NFIA: variants seen among roughly 807,000 people sequenced by gnomAD.
The protein encoded by NFIA is nuclear factor I A.
In NFIA, 8 loss-of-function variants were observed where a neutral mutation model predicts 62.8. The ratio of observed to expected loss-of-function variants is 0.13; its 90% CI spans 0.07 to 0.23. NFIA has a LOEUF of 0.23. NFIA is among the 10% of genes least tolerant of loss of function. The pLI is 1.00. For missense variants in NFIA, 410 were observed against 642.1 expected (o/e 0.64, Z 3.91); for synonymous variants, 235 against 238.1 (o/e 0.99, Z 0.12).
intron 3 of NFIA, among the ~76,000 whole-genome samples, chr1:61,306,565 C>T (rs1161146920): frequency 6.6e-6 from 1 of 152,158 alleles, no homozygotes; most frequent in African/African-American, 2.4e-5. Flanking sequence ...TCTCAAATAG[C>T]AGCTGTAGGA....
chr1:61,258,959 G>A (rs184173222), intron 2 of NFIA, among the ~76,000 whole-genome samples: 19 of 152,190 alleles, frequency 1.2e-4, no homozygotes, highest in East Asian at 1.9e-4. Context: ...GAGCTCAAGC[G>A]ATCCACCTGC....
chr1:61,406,542 T>TTGGGGGG lies in NFIA; in HGVS notation c.1255-20_1255-19insTGGGGGG. 6.7e-5 allele frequency: 84 copies of TTGGGGGG among 1,253,672 alleles called. No homozygotes were observed. Among genetic ancestry groups the TTGGGGGG allele is most frequent in the Non-Finnish European group, 8.1e-5 (75 of 931,624 alleles). 77.7% of individuals were successfully genotyped at this position (1,253,672 alleles called of 1,614,324 possible). On this transcript the variant is annotated intron_variant, in intron 8 of 10. Transcript: ENST00000403491. The stretch of plus-strand genomic sequence containing the variant: ...TTCTTTTTCTTGTACGTGTGTTTTC[T>TTGGGGGG]GCCCCCCCCCCCCCCACAGCCCAAT...
At chr1:61,191,933 T>C (rs1651654914) in intron 2 of NFIA, among the ~76,000 whole-genome samples, 1 of 150,676 alleles carries the variant, frequency 6.6e-6, no homozygotes, top group South Asian at 2.1e-4. Context: ...TTACTAAAAA[T>C]AACAAGTTTT....
intron 6 of NFIA, among the ~76,000 whole-genome samples, chr1:61,363,571 T>C (rs141055836): frequency 0.013 from 1,950 of 149,046 alleles, 51 homozygotes; most frequent in African/African-American, 0.046. Flanking sequence ...GCCATTGCAC[T>C]CCAGCCTGGG....
chr1:61,173,930 A>G (rs1650151547), intron 2 of NFIA, among the ~76,000 whole-genome samples: 1 of 152,178 alleles, frequency 6.6e-6, no homozygotes, highest in Non-Finnish European at 1.5e-5. Context: ...GGTCCTTGGC[A>G]TAGTGACTGG....
At chr1:61,116,881 T>G (rs1646801670) in intron 2 of NFIA, among the ~76,000 whole-genome samples, 1 of 152,232 alleles carries the variant, frequency 6.6e-6, no homozygotes, top group Non-Finnish European at 1.5e-5. Context: ...AATTAAATAA[T>G]GACCTTGTGT....
intron 10 of NFIA, among the ~76,000 whole-genome samples, chr1:61,453,011 A>G (rs77269850): frequency 0.062 from 9,463 of 152,228 alleles, 415 homozygotes; most frequent in Non-Finnish European, 0.087. Context: ...CCCAAAAGAA[A>G]AGTGTGCAGA....
At chr1:61,330,245 A>G (rs746753452) in intron 3 of NFIA, among the ~76,000 whole-genome samples, 28 of 152,148 alleles carry the variant, frequency 1.8e-4, no homozygotes, top group Non-Finnish European at 2.5e-4. Flanking sequence ...AATGATAAAG[A>G]GTTGAGAGTC....
At chr1:61,428,382 ATTTT>A (rs34309622) in intron 10 of NFIA, among the ~76,000 whole-genome samples, 3 of 135,940 alleles carry the variant, frequency 2.2e-5, no homozygotes, top group South Asian at 2.3e-4. Flanking sequence ...CTGGAACTGA[ATTTT>A]TTTTTTTTTT....
chr1:61,404,618 G>T (rs1440332487), intron 8 of NFIA, among the ~76,000 whole-genome samples: 1 of 152,156 alleles, frequency 6.6e-6, no homozygotes, highest in African/African-American at 2.4e-5. Flanking sequence ...AAAATAGAAA[G>T]ACCAAGTAGT....
intron 2 of NFIA, among the ~76,000 whole-genome samples, chr1:61,247,158 T>C (rs780966463): frequency 5.0e-4 from 76 of 152,168 alleles, no homozygotes; most frequent in Non-Finnish European, 9.0e-4. Flanking sequence ...ATGCATCTTC[T>C]CTTAAAAGGA....
At chr1:61,192,815 G>A (rs1651736219) in intron 2 of NFIA, among the ~76,000 whole-genome samples, 1 of 152,176 alleles carries the variant, frequency 6.6e-6, no homozygotes, top group Admixed American at 6.5e-5. Flanking sequence ...AGGTGGTTTG[G>A]GAAGTATTTC....
intron 4 of NFIA, among the ~76,000 whole-genome samples, chr1:61,336,818 C>T (rs1199104756): frequency 1.3e-5 from 2 of 152,180 alleles, no homozygotes; most frequent in Admixed American, 1.3e-4. Flanking sequence ...CAGCCCCATC[C>T]AGTCCCCTGC....
chr1:61,229,912 T>C (rs1344107728), intron 2 of NFIA, among the ~76,000 whole-genome samples: 1 of 152,160 alleles, frequency 6.6e-6, no homozygotes, highest in Non-Finnish European at 1.5e-5. Context: ...AATTGTGAAA[T>C]ATTGGAATCA....
intron 10 of NFIA, among the ~76,000 whole-genome samples, chr1:61,444,268 A>G (rs1667710230): frequency 6.6e-6 from 1 of 152,240 alleles, no homozygotes; most frequent in Non-Finnish European, 1.5e-5. Flanking sequence ...AGGGAAAATT[A>G]AGAAGCAAAG....
At chr1:61,277,490 A>G (rs1231532552) in intron 2 of NFIA, 30 bp from the exon 3 acceptor site, 8 of 1,612,334 alleles carry the variant, frequency 5.0e-6, no homozygotes, top group Non-Finnish European at 6.8e-6. Context: ...CAGACCCTGT[A>G]ATTTTTGGCT....
intron 4 of NFIA, among the ~76,000 whole-genome samples, chr1:61,344,920 A>G (rs549043585): frequency 1.3e-5 from 2 of 152,320 alleles, no homozygotes; most frequent in East Asian, 1.9e-4. Flanking sequence ...CAGAAGTTCA[A>G]TAACCACAAC....
At chr1:61,222,735 G>A (rs1184025992) in intron 2 of NFIA, among the ~76,000 whole-genome samples, 1 of 151,984 alleles carries the variant, frequency 6.6e-6, no homozygotes, top group East Asian at 1.9e-4. Context: ...CTTTAGAGTA[G>A]GTTTTAAGAC....
In NFIA at chr1:61,455,513, ATT is replaced by A. The variant is rs11423561; in HGVS notation, c.*205_*206del. On this transcript the variant is annotated 3_prime_UTR_variant, in exon 11 of 11. Coordinates refer to ENST00000403491, the MANE Select transcript of NFIA (RefSeq NM_001134673.4). ...ACAGCAAAGGCCATAACCTTTTGGG[ATT>A]TTTTTTTTTTTAAAATACTTTAGGG... The A allele has an allele frequency of 9.8e-5, 57 of 582,610 alleles. No homozygotes were observed. The highest frequency in any genetic ancestry group is 1.4e-4 in the South Asian group (5 of 35,776). 36.1% of individuals were successfully genotyped at this position (582,610 alleles called of 1,614,324 possible).
Sources: gnomAD v4.1 joint callset for allele counts (sites outside exome capture counted in the v4.1 genomes callset) on GRCh38, gnomAD v4.1.1 for gene constraint, MANE v1.5 for transcripts, NCBI Gene and HGNC (gene_info 2026-07-23, HGNC 2026-07-21) for gene names.